Variants in SMYD3 observed in about 807,000 individuals in gnomAD.
SMYD3 encodes the protein histone-lysine N-methyltransferase SMYD3.
A neutral mutation model predicts 57.7 loss-of-function variants in SMYD3; 36 were observed. That is an observed-to-expected ratio of 0.62 (90% CI 0.48 to 0.82). The LOEUF is 0.82. Ranked by LOEUF, SMYD3 falls within the 40% of genes least tolerant of loss-of-function variation. The pLI is 0.00. For synonymous variants in SMYD3, 211 were observed against 195.0 expected (o/e 1.08, Z -0.68); for missense variants, 515 against 538.8 (o/e 0.96, Z 0.44).
At chr1:246,345,491 T>C (rs757675949) in intron 2 of SMYD3, among the ~76,000 whole-genome samples, 99 of 152,224 alleles carry the variant, frequency 6.5e-4, no homozygotes, top group Non-Finnish European at 1.1e-3. Flanking sequence ...ATGTTTGCGT[T>C]ATACTTACTG....
At chr1:246,481,760 G>A in intron 1 of SMYD3, among the ~76,000 whole-genome samples, 1 of 143,784 alleles carries the variant, frequency 7.0e-6, no homozygotes, top group African/African-American at 2.7e-5. Context: ...ATGATTATGT[G>A]TATCCATAGA....
At chr1:246,333,157 T>A (rs2065487361) in intron 3 of SMYD3, among the ~76,000 whole-genome samples, 1 of 152,114 alleles carries the variant, frequency 6.6e-6, no homozygotes, top group African/African-American at 2.4e-5. Context: ...GCTTTACCAG[T>A]GGGAGGTCAA....
At chr1:245,842,219 G>C (rs1248860214) in intron 10 of SMYD3, among the ~76,000 whole-genome samples, 1 of 152,176 alleles carries the variant, frequency 6.6e-6, no homozygotes, top group Non-Finnish European at 1.5e-5. Context: ...ATTCAGAAAA[G>C]CATCTTTCAT....
At chr1:246,502,303 T>C (rs978208169) in intron 1 of SMYD3, among the ~76,000 whole-genome samples, 1 of 152,012 alleles carries the variant, frequency 6.6e-6, no homozygotes, top group Non-Finnish European at 1.5e-5. Flanking sequence ...GGTAATTATT[T>C]GTATTTTTAG....
intron 8 of SMYD3, among the ~76,000 whole-genome samples, chr1:245,873,813 CTG>C (rs2052348883): frequency 6.6e-6 from 1 of 152,188 alleles, no homozygotes; most frequent in African/African-American, 2.4e-5. Context: ...GCATGTAAGA[CTG>C]TGTGACAGGC....
chr1:246,377,369 CTT>C (rs531494337), intron 1 of SMYD3, among the ~76,000 whole-genome samples: 16 of 134,158 alleles, frequency 1.2e-4, no homozygotes, highest in Admixed American at 1.5e-4. Context: ...GCAAATAATT[CTT>C]TTTTTTTTTT....
chr1:245,898,176 C>G (rs1203682211), intron 8 of SMYD3, among the ~76,000 whole-genome samples: 1 of 152,164 alleles, frequency 6.6e-6, no homozygotes, highest in Non-Finnish European at 1.5e-5. Context: ...TGTAGTACTT[C>G]TAGCTGTTAC....
At chr1:245,917,034 TAAA>T (rs35610259) in intron 7 of SMYD3, among the ~76,000 whole-genome samples, 1 of 144,466 alleles carries the variant, frequency 6.9e-6, no homozygotes. Flanking sequence ...CATTGGGCTT[TAAA>T]AAAAAAAAAA....
intron 5 of SMYD3, among the ~76,000 whole-genome samples, chr1:246,246,238 C>T (rs2063701831): frequency 6.6e-6 from 1 of 152,128 alleles, no homozygotes; most frequent in African/African-American, 2.4e-5. Flanking sequence ...CTTCTCTTCC[C>T]CTTTACTACC....
rs144300882 is a variant in SMYD3, at chr1:245,890,835, A to G, written c.813+24695T>C. On this transcript the variant is annotated intron_variant, in intron 8 of 11. Coordinates refer to ENST00000490107, the MANE Select transcript of SMYD3 (RefSeq NM_001167740.2). ...GGAAGCAACCTGAGTGTCTGTTGAT[A>G]GATGAATAAAGAAAACATGGTACAT... Among the ~76,000 whole-genome samples, 323 of 152,322 alleles carry G rather than the reference A, an allele frequency of 2.1e-3. 2 individuals carry two copies. Among genetic ancestry groups the G allele is most frequent in the African/African-American group, 7.3e-3 (305 of 41,564 alleles).
intron 5 of SMYD3, among the ~76,000 whole-genome samples, chr1:246,146,972 T>A (rs1310608937): frequency 6.6e-6 from 1 of 152,178 alleles, no homozygotes; most frequent in East Asian, 1.9e-4. Flanking sequence ...ACAGGCCGTT[T>A]TCTTGTTAAT....
chr1:245,947,386 T>C, intron 5 of SMYD3: 1 of 457,164 alleles, frequency 2.2e-6, no homozygotes, highest in South Asian at 1.5e-5. Flanking sequence ...TAAGCTTCCT[T>C]CCTACCCCGG....
At chr1:246,065,659 A>C (rs2060328253) in intron 5 of SMYD3, among the ~76,000 whole-genome samples, 1 of 152,222 alleles carries the variant, frequency 6.6e-6, no homozygotes, top group Non-Finnish European at 1.5e-5. Context: ...AATTAATATT[A>C]AATACTGAAA....
intron 5 of SMYD3, among the ~76,000 whole-genome samples, chr1:245,951,568 CAAA>C (rs746225362): frequency 2.1e-5 from 2 of 94,674 alleles, no homozygotes; most frequent in African/African-American, 4.2e-5. Flanking sequence ...GGCTCTCTCT[CAAA>C]AAAAAAAAAA....
intron 10 of SMYD3, among the ~76,000 whole-genome samples, chr1:245,824,866 A>C (rs1044228057): frequency 4.0e-5 from 6 of 151,320 alleles, no homozygotes; most frequent in African/African-American, 1.5e-4. Flanking sequence ...CAAAAAAAAA[A>C]AAACAAAAAA....
At chr1:245,959,380 A>G (rs1183712833) in intron 5 of SMYD3, among the ~76,000 whole-genome samples, 1 of 152,222 alleles carries the variant, frequency 6.6e-6, no homozygotes, top group Non-Finnish European at 1.5e-5. Flanking sequence ...AGATGGGCCA[A>G]CATCTCAGAA....
At chr1:246,025,413 T>C (rs1177287505) in intron 5 of SMYD3, among the ~76,000 whole-genome samples, 1 of 152,182 alleles carries the variant, frequency 6.6e-6, no homozygotes, top group Non-Finnish European at 1.5e-5. Context: ...AGCTGTACCC[T>C]CCACCCAAAT....
intron 10 of SMYD3, among the ~76,000 whole-genome samples, chr1:245,828,224 C>G (rs1204233425): frequency 1.3e-5 from 2 of 152,156 alleles, no homozygotes; most frequent in Non-Finnish European, 1.5e-5. Context: ...GCAATTCTCT[C>G]CAGAGTAAAG....
chr1:245,954,681 C>T (rs1380352279), intron 5 of SMYD3, among the ~76,000 whole-genome samples: 4 of 152,144 alleles, frequency 2.6e-5, no homozygotes, highest in Non-Finnish European at 4.4e-5. Context: ...AAGACTGTCG[C>T]AAATTAAATT....
Sources: allele counts gnomAD v4.1 joint callset (sites outside exome capture counted in the v4.1 genomes callset), GRCh38; gene constraint gnomAD v4.1.1; transcripts MANE v1.5; gene names NCBI Gene and HGNC (gene_info 2026-07-23, HGNC 2026-07-21).